AKAP6: variants seen among roughly 807,000 people sequenced by gnomAD.
AKAP6 encodes the protein A-kinase anchoring protein 6.
In AKAP6, 58 loss-of-function variants were observed where a neutral mutation model predicts 188.5. That is an observed-to-expected ratio of 0.31 (90% CI 0.25 to 0.38). AKAP6 has a LOEUF of 0.38. Ranked by LOEUF, AKAP6 falls within the 10% of genes least tolerant of loss-of-function variation. AKAP6 has a pLI of 1.00. For synonymous variants in AKAP6, 989 were observed against 998.6 expected, an observed-to-expected ratio of 0.99 and a Z score of 0.18; for missense variants, 2,710 against 2,740.0, an observed-to-expected ratio of 0.99 and a Z score of 0.24.
intron 7 of AKAP6, among the ~76,000 whole-genome samples, chr14:32,612,940 C>T (rs1006354354): frequency 6.6e-6 from 1 of 152,108 alleles, no homozygotes; most frequent in Non-Finnish European, 1.5e-5. Context: ...ATTCAAAGGG[C>T]AGAACTAGAT....
chr14:32,750,508 C>T (rs961189891), intron 11 of AKAP6, among the ~76,000 whole-genome samples: 10 of 151,688 alleles, frequency 6.6e-5, no homozygotes, highest in Admixed American at 4.6e-4. Context: ...GATCACTTGA[C>T]GTCAGGAGTT....
At chr14:32,660,897 C>G (rs1427199834) in intron 7 of AKAP6, among the ~76,000 whole-genome samples, 1 of 146,418 alleles carries the variant, frequency 6.8e-6, no homozygotes, top group Non-Finnish European at 1.5e-5. Context: ...TTGGCTATTT[C>G]TAGCTCTATA....
intron 7 of AKAP6, among the ~76,000 whole-genome samples, chr14:32,674,901 T>C (rs1889364354): frequency 6.6e-6 from 1 of 152,136 alleles, no homozygotes. Context: ...TTCAAAAAGA[T>C]CATTGAACAA....
chr14:32,441,678 A>G (rs1381350745), intron 2 of AKAP6, among the ~76,000 whole-genome samples: 1 of 152,192 alleles, frequency 6.6e-6, no homozygotes, highest in African/African-American at 2.4e-5. Context: ...CTTTGGCTAT[A>G]CATGAACCTT....
intron 2 of AKAP6, among the ~76,000 whole-genome samples, chr14:32,523,195 G>T (rs150454202): frequency 4.6e-5 from 7 of 151,690 alleles, no homozygotes; most frequent in South Asian, 2.1e-4. Flanking sequence ...GGGAAGGGGG[G>T]GAGGGATAAC....
chr14:32,413,558 C>T (rs1889562782), intron 1 of AKAP6, among the ~76,000 whole-genome samples: 1 of 152,094 alleles, frequency 6.6e-6, no homozygotes, highest in African/African-American at 2.4e-5. Context: ...CAAATTTCTC[C>T]CTTGCTTCCT....
intron 7 of AKAP6, among the ~76,000 whole-genome samples, chr14:32,614,832 T>C (rs971203959): frequency 4.6e-5 from 7 of 152,016 alleles, no homozygotes; most frequent in Admixed American, 4.6e-4. Flanking sequence ...CAGTGAGATA[T>C]GAAGAGAGTC....
At chr14:32,521,117 C>T (rs1390542316) in intron 2 of AKAP6, among the ~76,000 whole-genome samples, 2 of 152,050 alleles carry the variant, frequency 1.3e-5, no homozygotes, top group Non-Finnish European at 2.9e-5. Flanking sequence ...GCAGAAAAGG[C>T]CTTTGACAAA....
At chr14:32,817,314 A>C (rs1445469820) in intron 12 of AKAP6, among the ~76,000 whole-genome samples, 1 of 152,158 alleles carries the variant, frequency 6.6e-6, no homozygotes, top group South Asian at 2.1e-4. Context: ...TGTCATCATC[A>C]TAATCATTTC....
At chr14:32,350,552 GA>G (rs754985454) in intron 1 of AKAP6, among the ~76,000 whole-genome samples, 2 of 152,172 alleles carry the variant, frequency 1.3e-5, no homozygotes, top group South Asian at 4.1e-4. Flanking sequence ...GGACATTAAT[GA>G]AAAAACTGGT....
rs1427256052 is a variant in AKAP6 at position 32,743,368 on chromosome 14, A to T, written c.3372+7486A>T. Among the ~76,000 whole-genome samples the T allele has an allele frequency of 2.6e-5, 4 of 152,090 alleles. No homozygotes were observed. In the East Asian group the frequency reaches 5.8e-4, roughly 22 times the overall value. On this transcript the variant is annotated intron_variant, in intron 11 of 13. Transcript: ENST00000280979. ...GAGAATTTAGTCCGTTACATTCAGC[A>T]TTATTATTGATAAGTTAGGACTTAC... is the stretch of plus-strand genomic sequence containing the variant.
chr14:32,613,178 A>G (rs575640596), intron 7 of AKAP6, among the ~76,000 whole-genome samples: 8 of 152,328 alleles, frequency 5.3e-5, no homozygotes, highest in Admixed American at 4.6e-4. Flanking sequence ...TCTGTTTTAT[A>G]CTAGACACAA....
intron 8 of AKAP6, among the ~76,000 whole-genome samples, chr14:32,685,394 GA>G (rs1566646014): frequency 6.6e-6 from 1 of 152,114 alleles, no homozygotes; most frequent in Non-Finnish European, 1.5e-5. Context: ...GGGAACATCT[GA>G]GCTGTCTTAA....
Position 32,770,229 on chromosome 14 carries a change from G to A in AKAP6, c.3373-3449G>A, listed in dbSNP as rs78481963. Among the ~76,000 whole-genome samples, 535 of 152,158 alleles carry A rather than the reference G, an allele frequency of 3.5e-3. 2 individuals carry two copies. Among genetic ancestry groups the A allele is most frequent in the Non-Finnish European group, 3.6e-3 (244 of 68,000 alleles). On this transcript the variant is annotated intron_variant, in intron 11 of 13. Coordinates refer to ENST00000280979, the MANE Select transcript of AKAP6 (RefSeq NM_004274.5). Reference sequence around the variant, plus strand: ...TGGTAACTACCTTATAATGTGGATCGGAGATCATTATAAAGGGGGAAAAAA... The same window carrying A: ...TGGTAACTACCTTATAATGTGGATCAGAGATCATTATAAAGGGGGAAAAAA...
At chr14:32,614,704 C>G (rs1194030920) in intron 7 of AKAP6, among the ~76,000 whole-genome samples, 2 of 152,088 alleles carry the variant, frequency 1.3e-5, no homozygotes, top group African/African-American at 4.8e-5. Flanking sequence ...TACTTTCTTT[C>G]ATGGTGTGTG....
At chr14:32,395,874 T>G (rs1189448996) in intron 1 of AKAP6, among the ~76,000 whole-genome samples, 1 of 152,210 alleles carries the variant, frequency 6.6e-6, no homozygotes, top group Non-Finnish European at 1.5e-5. Flanking sequence ...CTGTCCCTAC[T>G]ACTCCATGAG....
chr14:32,577,073 C>T, intron 4 of AKAP6, 47 bp from the exon 5 acceptor site: 1 of 1,580,536 alleles, frequency 6.3e-7, no homozygotes, highest in Non-Finnish European at 8.6e-7. Context: ...AACCAACTAA[C>T]ATGCCTTTCT....
intron 1 of AKAP6, among the ~76,000 whole-genome samples, chr14:32,355,095 T>C (rs934275989): frequency 6.6e-6 from 1 of 152,228 alleles, no homozygotes; most frequent in Non-Finnish European, 1.5e-5. Flanking sequence ...TGATTTTTCC[T>C]TGGAGTCTGT....
intron 12 of AKAP6, among the ~76,000 whole-genome samples, chr14:32,786,070 T>C (rs1213739527): frequency 6.6e-6 from 1 of 152,068 alleles, no homozygotes; most frequent in African/African-American, 2.4e-5. Context: ...CCACTGCCAT[T>C]GAGTGGGTGC....
Sources: gnomAD v4.1 joint callset for allele counts (sites outside exome capture counted in the v4.1 genomes callset) on GRCh38, gnomAD v4.1.1 for gene constraint, MANE v1.5 for transcripts, NCBI Gene and HGNC (gene_info 2026-07-23, HGNC 2026-07-21) for gene names.